Variants in EXOC5 observed in about 807,000 individuals in gnomAD.
EXOC5 encodes SEC10-like 1.
In EXOC5, 17 loss-of-function variants were observed where a neutral mutation model predicts 90.8. That is an observed-to-expected ratio of 0.19 (90% CI 0.13 to 0.28). The LOEUF (loss-of-function observed/expected upper bound fraction) is 0.28, where lower values mean the gene tolerates loss of function less well. Among genes scored for constraint, EXOC5 ranks in the 10% least tolerant of loss-of-function variants. The probability of loss-of-function intolerance (pLI) is 1.00; values close to 1 mark genes in which losing one functional copy is unlikely to be tolerated. For synonymous variants in EXOC5, 260 were observed against 270.0 expected, an observed-to-expected ratio of 0.96 and a Z score of 0.36; for missense variants, 569 against 830.6, an observed-to-expected ratio of 0.69 and a Z score of 3.87.
intron 1 of EXOC5, among the ~76,000 whole-genome samples, chr14:57,263,092 A>G (rs1446274748): frequency 6.6e-6 from 1 of 152,158 alleles, no homozygotes; most frequent in Non-Finnish European, 1.5e-5. Flanking sequence ...TCTTCACACT[A>G]ACATTAAAAT....
Position 57,268,700 on chromosome 14 carries a change from T to C in EXOC5, c.-52A>G. 2 of 1,558,700 alleles carry C rather than the reference T, an allele frequency of 1.3e-6. No individual in the cohort carries two copies. The highest frequency in any genetic ancestry group is 8.6e-7 in the Non-Finnish European group (1 of 1,161,642). On this transcript the variant is annotated 5_prime_UTR_variant, in exon 1 of 18. It removes an upstream start codon present in the reference 5' UTR. Transcript: ENST00000621441. Reference sequence around the variant, plus strand: ...CACTGGATGCCGTCTCCGCTTCACATGCTGCGCCTCAGAGGCGCGGCGCAC... The same window carrying C: ...CACTGGATGCCGTCTCCGCTTCACACGCTGCGCCTCAGAGGCGCGGCGCAC...
chr14:57,232,365 G>A (rs1883512128), intron 10 of EXOC5: 1 of 185,272 alleles, frequency 5.4e-6, no homozygotes, highest in African/African-American at 2.3e-5. Context: ...AGCTGAAATT[G>A]TCATTTGTTA....
intron 12 of EXOC5, among the ~76,000 whole-genome samples, chr14:57,227,838 A>G (rs551545123): frequency 3.9e-5 from 6 of 152,114 alleles, no homozygotes; most frequent in Non-Finnish European, 7.4e-5. Context: ...AGACTGCCTC[A>G]ACTCTCAATC....
chr14:57,267,539 C>G (rs747782656), intron 1 of EXOC5, among the ~76,000 whole-genome samples: 10 of 152,164 alleles, frequency 6.6e-5, no homozygotes, highest in Admixed American at 5.9e-4. Context: ...TTGTGGATTA[C>G]AGTCTTCTCA....
intron 15 of EXOC5, among the ~76,000 whole-genome samples, chr14:57,216,555 T>C (rs1882981317): frequency 6.6e-6 from 1 of 152,122 alleles, no homozygotes; most frequent in South Asian, 2.1e-4. Context: ...TAGTCTCCTC[T>C]ATAAATGGTT....
At position 57,209,685 on chromosome 14, in the gene EXOC5, C is replaced by T; in HGVS notation, c.1820G>A (p.Gly607Glu). 3 of 1,612,636 alleles carry T rather than the reference C, an allele frequency of 1.9e-6. No individual in the cohort carries two copies. Among genetic ancestry groups the T allele is most frequent in the Non-Finnish European group, 1.7e-6 (2 of 1,178,976 alleles). The change falls in exon 17 of 18, where the codon GGA becomes GAA. Residue 607 changes from glycine (G) to glutamate (E), a missense_variant. By Grantham distance (98) the Gly-to-Glu change is moderately conservative. Transcript: ENST00000621441. ...ATAGATAAGTCGATGAAAACGTACT[C>T]CAAGTTCCATCAAAACTGTATCCAC... ...KNVDTVLMEL[G>E]VRFHRLIYEH...
At chr14:57,237,049 T>C (rs1252454383) in intron 6 of EXOC5, among the ~76,000 whole-genome samples, 1 of 152,000 alleles carries the variant, frequency 6.6e-6, no homozygotes, top group African/African-American at 2.4e-5. Context: ...TAAATGAGGA[T>C]AGAAGTACAT....
intron 1 of EXOC5, among the ~76,000 whole-genome samples, chr14:57,265,574 A>C (rs1186569368): frequency 6.6e-6 from 1 of 152,144 alleles, no homozygotes; most frequent in Non-Finnish European, 1.5e-5. Flanking sequence ...AATTTTTAAA[A>C]ATCAGCTGGG....
chr14:57,237,268 T>C (rs1883690484), intron 6 of EXOC5, 70 bp downstream of exon 6: 2 of 819,314 alleles, frequency 2.4e-6, no homozygotes, highest in African/African-American at 3.4e-5. Flanking sequence ...TTTCTCCTTT[T>C]GCTGTTTTAT....
At chr14:57,220,771 G>C (rs1204005166) in intron 13 of EXOC5, among the ~76,000 whole-genome samples, 2 of 152,064 alleles carry the variant, frequency 1.3e-5, no homozygotes, top group Non-Finnish European at 2.9e-5. Flanking sequence ...CTGCACTCTG[G>C]CCTGGGTGAC....
chr14:57,228,005 T>TATAC (rs1193620240), intron 12 of EXOC5, among the ~76,000 whole-genome samples: 1 of 146,192 alleles, frequency 6.8e-6, no homozygotes, highest in Non-Finnish European at 1.5e-5. Context: ...ACAAGATATA[T>TATAC]ATACATACAC....
intron 1 of EXOC5, among the ~76,000 whole-genome samples, chr14:57,255,595 T>C (rs1884326586): frequency 1.3e-5 from 2 of 152,066 alleles, no homozygotes; most frequent in Non-Finnish European, 2.9e-5. Flanking sequence ...GATGCACTGA[T>C]CGGGTGTGGT....
chr14:57,211,216 C>T (rs1192461409), intron 15 of EXOC5, among the ~76,000 whole-genome samples: 1 of 152,154 alleles, frequency 6.6e-6, no homozygotes, highest in African/African-American at 2.4e-5. Flanking sequence ...GCAACGTCAC[C>T]TTGTCACTAT....
At chr14:57,263,681 G>A (rs1043334645) in intron 1 of EXOC5, among the ~76,000 whole-genome samples, 2 of 143,320 alleles carry the variant, frequency 1.4e-5, no homozygotes, top group African/African-American at 5.3e-5. Context: ...CAGGAGAATC[G>A]CTTGAAACCA....
intron 7 of EXOC5, 50 bp downstream of exon 7, chr14:57,235,661 G>A (rs748149035): frequency 2.3e-5 from 21 of 924,332 alleles, no homozygotes; most frequent in South Asian, 9.8e-5. Context: ...TAGAACTTAC[G>A]TAATTTCCAT....
rs1210751233 is a variant in EXOC5 at position 57,207,891 on chromosome 14, T to C, written c.*718A>G. The C allele has an allele frequency of 6.6e-6, 1 of 152,158 alleles. No individual in the cohort carries two copies. The highest frequency in any genetic ancestry group is 1.5e-5 in the Non-Finnish European group (1 of 68,004). 9.4% of individuals were successfully genotyped at this position (152,158 alleles called of 1,614,324 possible). A position where few individuals can be genotyped will look rare whatever the true frequency, so the allele number is the denominator to read the frequency against. On this transcript the variant is annotated 3_prime_UTR_variant, in exon 18 of 18. Transcript: ENST00000621441. ...TTATTAATTTCTTACTAGAATTGGC[T>C]TAAAATCTATTTACCAAATAAGAAA... is the stretch of plus-strand genomic sequence containing the variant.
chr14:57,213,632 C>A (rs1015030011), intron 15 of EXOC5, among the ~76,000 whole-genome samples: 1 of 151,574 alleles, frequency 6.6e-6, no homozygotes, highest in East Asian at 2.0e-4. Flanking sequence ...GGTCTCAGTT[C>A]GAGACTGAGC....
chr14:57,215,957 TAAAC>T (rs1259750481), intron 15 of EXOC5, among the ~76,000 whole-genome samples: 4 of 152,044 alleles, frequency 2.6e-5, no homozygotes, highest in South Asian at 2.1e-4. Flanking sequence ...ATAGAACTAA[TAAAC>T]AAATTCAGTA....
Position 57,217,970 on chromosome 14 carries a change from C to A in EXOC5, c.1613+12G>T. 6.9e-7 allele frequency: 1 copy of A among 1,458,236 alleles called. No homozygotes were observed. The highest frequency in any genetic ancestry group is 9.6e-7 in the Non-Finnish European group (1 of 1,044,202). The allele number at this position is 1,458,236 out of a possible 1,614,324, so 90.3% of individuals were successfully genotyped here. ...ATTTAAAAAAATGCAAGAGACAAAA[C>A]CAACAACTTGCCTATCAATGCCAGT... On this transcript the variant is annotated intron_variant, in intron 15 of 17. Coordinates refer to ENST00000621441, the MANE Select transcript of EXOC5 (RefSeq NM_006544.4).
Sources: allele counts gnomAD v4.1 joint callset (sites outside exome capture counted in the v4.1 genomes callset), GRCh38; gene constraint gnomAD v4.1.1; transcripts MANE v1.5; gene names NCBI Gene and HGNC (gene_info 2026-07-23, HGNC 2026-07-21).